SRRM4: variants seen among roughly 807,000 people sequenced by gnomAD.
SRRM4 encodes the protein serine/arginine repetitive matrix protein 4.
SRRM4 carries 33 observed loss-of-function variants against 68.9 expected under a neutral mutation model. The ratio of observed to expected loss-of-function variants is 0.48; its 90% CI spans 0.36 to 0.64. SRRM4 has a LOEUF of 0.64. Ranked by LOEUF, SRRM4 falls within the 30% of genes least tolerant of loss-of-function variation. The pLI, the probability that SRRM4 is intolerant of heterozygous loss-of-function variation, is 0.00. For synonymous variants in SRRM4, 318 were observed against 318.8 expected, an observed-to-expected ratio of 1.00 and a Z score of 0.03; for missense variants, 817 against 827.1, an observed-to-expected ratio of 0.99 and a Z score of 0.15.
chr12:119,034,780 C>T (rs929092958), intron 1 of SRRM4, among the ~76,000 whole-genome samples: 11 of 152,148 alleles, frequency 7.2e-5, no homozygotes, highest in Non-Finnish European at 1.5e-4. Flanking sequence ...TGGACACTTT[C>T]GTCCCTGGTT....
chr12:118,993,752 G>A (rs1953331934), intron 1 of SRRM4: 1 of 152,206 alleles, frequency 6.6e-6, no homozygotes, highest in Non-Finnish European at 1.5e-5. Context: ...GAGTAGTCAA[G>A]TCACTTGCCT....
At chr12:119,100,420 T>G (rs1265737179) in intron 1 of SRRM4, among the ~76,000 whole-genome samples, 1 of 151,230 alleles carries the variant, frequency 6.6e-6, no homozygotes, top group Non-Finnish European at 1.5e-5. Flanking sequence ...AGCCAGGGAG[T>G]TCAAGGCTGC....
intron 6 of SRRM4, among the ~76,000 whole-genome samples, chr12:119,123,968 G>C (rs1364553560): frequency 6.6e-6 from 1 of 152,202 alleles, no homozygotes; most frequent in Admixed American, 6.5e-5. Context: ...CCTCCCGCAG[G>C]AGGCAGCATC....
At chr12:118,984,419 A>T (rs531293075) in intron 1 of SRRM4, among the ~76,000 whole-genome samples, 1 of 152,150 alleles carries the variant, frequency 6.6e-6, no homozygotes, top group East Asian at 1.9e-4. Flanking sequence ...GTTTAGTTCC[A>T]TGAGTCAAGC....
At chr12:119,131,307 T>G (rs1242382847) in intron 8 of SRRM4, among the ~76,000 whole-genome samples, 1 of 152,182 alleles carries the variant, frequency 6.6e-6, no homozygotes, top group Non-Finnish European at 1.5e-5. Flanking sequence ...AACATGACCT[T>G]GAATTTATAT....
At chr12:119,137,988 A>G (rs958875881) in intron 8 of SRRM4, among the ~76,000 whole-genome samples, 2 of 152,070 alleles carry the variant, frequency 1.3e-5, no homozygotes, top group Non-Finnish European at 2.9e-5. Context: ...GAGGGATCAG[A>G]GTGGCAACAA....
chr12:119,072,156 A>G (rs1953881501), intron 1 of SRRM4, among the ~76,000 whole-genome samples: 1 of 152,254 alleles, frequency 6.6e-6, no homozygotes. Flanking sequence ...CAGATACAAT[A>G]GTAAGAATTC....
intron 2 of SRRM4, among the ~76,000 whole-genome samples, chr12:119,106,377 T>C (rs1954107793): frequency 6.6e-6 from 1 of 152,220 alleles, no homozygotes. Flanking sequence ...GGGATGGCAT[T>C]GAATCTATAA....
At chr12:119,098,122 G>A (rs1293132502) in intron 1 of SRRM4, among the ~76,000 whole-genome samples, 1 of 152,176 alleles carries the variant, frequency 6.6e-6, no homozygotes, top group Non-Finnish European at 1.5e-5. Flanking sequence ...CATGTTGTGA[G>A]GATACTCAAG....
intron 1 of SRRM4, among the ~76,000 whole-genome samples, chr12:118,984,272 AC>A (rs1555212708): frequency 6.6e-6 from 1 of 152,210 alleles, no homozygotes; most frequent in Non-Finnish European, 1.5e-5. Flanking sequence ...TTCTACACTT[AC>A]TTAAGGGTGA....
chr12:119,032,043 T>C (rs919066354), intron 1 of SRRM4, among the ~76,000 whole-genome samples: 9 of 152,192 alleles, frequency 5.9e-5, no homozygotes, highest in African/African-American at 2.2e-4. Flanking sequence ...TCATTTTTGA[T>C]AGTAATTAGT....
At position 119,154,263 on chromosome 12, in the gene SRRM4, G is replaced by T; in HGVS notation, c.1412G>T (p.Ser471Ile). 1 of 1,608,598 alleles carries T rather than the reference G, an allele frequency of 6.2e-7. No homozygotes were observed. Among genetic ancestry groups the T allele is most frequent in the Non-Finnish European group, 8.5e-7 (1 of 1,177,510 alleles). ...SPSRERDPKY[S>I]EKDSQQRERE... is the part of the protein sequence containing the mutation. ...TTCAGGGAGCGGGATCCCAAATACA[G>T]TGAGAAGGACTCGCAGCAGCGGGAG... Residue 471 changes from serine to isoleucine, a missense_variant, in exon 12 of 13, where the codon AGT (serine) becomes ATT (isoleucine). Physicochemically the swap from Ser to Ile is moderately radical, Grantham distance 142. Transcript: ENST00000267260. This position sits in a 1 kb window ranked among gnomAD's most constrained non-coding sequence, Gnocchi z 4.7.
intron 1 of SRRM4, among the ~76,000 whole-genome samples, chr12:119,019,937 A>T (rs1266391990): frequency 4.0e-4 from 51 of 126,354 alleles, no homozygotes; most frequent in African/African-American, 1.4e-3. Context: ...AGCTCTGGAC[A>T]GTTCCCCCCG....
At chr12:119,068,754 G>C (rs945665655) in intron 1 of SRRM4, among the ~76,000 whole-genome samples, 4 of 152,038 alleles carry the variant, frequency 2.6e-5, no homozygotes, top group African/African-American at 9.7e-5. Context: ...CCAAAGCCAA[G>C]AGATAAAAGC....
chr12:119,159,053 C>CT lies in SRRM4; in HGVS notation c.*2264dup, dbSNP rs1375237051. On this transcript the variant is annotated 3_prime_UTR_variant, in exon 13 of 13. Coordinates refer to ENST00000267260, the MANE Select transcript of SRRM4 (RefSeq NM_194286.4). Reference sequence around the variant, plus strand: ...CTCCTAAATTATTTCTGTGCATCTCCTTTTTTTTTCTGCTGTTTTTTATGG... The same window carrying CT: ...CTCCTAAATTATTTCTGTGCATCTCCTTTTTTTTTTCTGCTGTTTTTTATGG... 5 of 130,762 alleles carry CT rather than the reference C, an allele frequency of 3.8e-5. No homozygotes were observed. Among genetic ancestry groups the CT allele is most frequent in the Non-Finnish European group, 6.6e-5 (4 of 60,964 alleles). The allele number at this position is 130,762 out of a possible 1,614,324, so 8.1% of individuals were successfully genotyped here.
chr12:119,110,857 C>T lies in SRRM4; in HGVS notation c.279-3421C>T, dbSNP rs551180198. On this transcript the variant is annotated intron_variant, in intron 2 of 12. Transcript: ENST00000267260. ...CCGACAAGCCCCCATGAGATGAACC[C>T]GGTACCTTAGTTGGAAATACAGAAA... Among the ~76,000 whole-genome samples the T allele has an allele frequency of 9.8e-5, 15 of 152,310 alleles. No homozygotes were observed. In the Middle Eastern group the frequency reaches 0.01, roughly 104 times the overall value.
chr12:119,122,308 A>AAGGC (rs1565913384), intron 6 of SRRM4, among the ~76,000 whole-genome samples, 188 bp downstream of exon 6: 2 of 129,048 alleles, frequency 1.5e-5, no homozygotes, highest in Non-Finnish European at 3.3e-5. Context: ...GGAAGGAAGG[A>AAGGC]AGGAAGGAAG....
At chr12:119,145,722 C>T (rs371491640) in intron 9 of SRRM4, 37 bp downstream of exon 9, 1 of 1,450,236 alleles carries the variant, frequency 6.9e-7, no homozygotes, top group African/African-American at 1.4e-5. Context: ...TAGACGGTCT[C>T]CCACCTTAGC....
chr12:119,076,137 A>T (rs1198137393), intron 1 of SRRM4, among the ~76,000 whole-genome samples: 1 of 150,758 alleles, frequency 6.6e-6, no homozygotes. Context: ...AATGATGATG[A>T]TGACAATGGG....
Sources: gnomAD v4.1 joint callset for allele counts (sites outside exome capture counted in the v4.1 genomes callset) on GRCh38, gnomAD v4.1.1 for gene constraint, Gnocchi (gnomAD v3.1) non-coding constraint, MANE v1.5 for transcripts, NCBI Gene and HGNC (gene_info 2026-07-23, HGNC 2026-07-21) for gene names.